The following ZNF556 variants were observed in gnomAD, a reference collection of about 807,000 sequenced individuals.
ZNF556 encodes zinc finger protein 556.
In ZNF556, 11 loss-of-function variants were observed where a neutral mutation model predicts 13.6. The observed-to-expected ratio is 0.81, with a 90% confidence interval of 0.51 to 1.33. The LOEUF is 1.33. Among genes scored for constraint, ZNF556 ranks in the 40% most tolerant of loss-of-function variants. The probability of loss-of-function intolerance (pLI) is 0.00; values close to 1 mark genes in which losing one functional copy is unlikely to be tolerated. For missense variants in ZNF556, 633 were observed against 566.2 expected (o/e 1.12, Z -1.20); for synonymous variants, 229 against 207.8 (o/e 1.10, Z -0.88).
rs368803745 is a variant in ZNF556, at chr19:2,877,568, G to A, written c.610G>A (p.Ala204Thr). The A allele has an allele frequency of 1.2e-6, 2 of 1,614,016 alleles. No homozygotes were observed. The highest frequency in any genetic ancestry group is 2.7e-5 in the African/African-American group (2 of 74,908). ...EKTHSGEKPY[A>T]CQSCGKTFLR... ...AACTCACAGTGGAGAGAAACCCTATGCCTGTCAATCTTGCGGGAAGACATT... is the reference window on the plus strand; with the variant it reads ...AACTCACAGTGGAGAGAAACCCTATACCTGTCAATCTTGCGGGAAGACATT... The change falls in exon 4 of 4, where the codon GCC becomes ACC. Residue 204 changes from alanine to threonine, a missense_variant. Ala to Thr is a moderately conservative substitution (Grantham distance 58, BLOSUM62 0). Coordinates refer to ENST00000307635, the MANE Select transcript of ZNF556 (RefSeq NM_024967.3).
Position 2,877,801 on chromosome 19 carries a change from C to T in ZNF556, c.843C>T (p.His281=), listed in dbSNP as rs372972222. The T allele has an allele frequency of 5.0e-5, 81 of 1,614,124 alleles. No individual in the cohort carries two copies. Among genetic ancestry groups the T allele is most frequent in the African/African-American group, 2.3e-4 (17 of 75,042 alleles). ...CCTTTCGAGTCCATATGATCATGCA[C>T]GCCGGAGGGAGACCGTATGAGTGCA... ...QKSFRVHMIM[H]AGGRPYECKQ... Residue 281 remains histidine (H), a synonymous_variant, in exon 4 of 4, where the codon CAC becomes CAT. Coordinates refer to ENST00000307635, the MANE Select transcript of ZNF556 (RefSeq NM_024967.3).
At chr19:2,869,278 C>T (rs2087782404) in intron 1 of ZNF556, among the ~76,000 whole-genome samples, 1 of 152,194 alleles carries the variant, frequency 6.6e-6, no homozygotes, top group South Asian at 2.1e-4. Context: ...TCCAGCTTTC[C>T]TGTGTGAAAT....
rs2144898557 is a variant in ZNF556, at chr19:2,881,345, T to C, written c.*3016T>C. ...CCCAGGACCCACCGAGGCGGGTGGATCACCTGATGTGAGGAGTTCGAGACC... is the reference window on the plus strand; with the variant it reads ...CCCAGGACCCACCGAGGCGGGTGGACCACCTGATGTGAGGAGTTCGAGACC... On this transcript the variant is annotated 3_prime_UTR_variant, in exon 4 of 4. Coordinates refer to ENST00000307635, the MANE Select transcript of ZNF556 (RefSeq NM_024967.3). The C allele has an allele frequency of 6.6e-6, 1 of 152,056 alleles. No homozygotes were observed. Among genetic ancestry groups the C allele is most frequent in the South Asian group, 2.1e-4 (1 of 4,806 alleles). The allele number at this position is 152,056 out of a possible 1,614,324, so 9.4% of individuals were successfully genotyped here.
chr19:2,873,178 G>T (rs1235416010), intron 1 of ZNF556, among the ~76,000 whole-genome samples: 2 of 151,770 alleles, frequency 1.3e-5, no homozygotes, highest in Non-Finnish European at 1.5e-5. Context: ...AATCTTACTT[G>T]TTCTTACCAT....
intron 1 of ZNF556, among the ~76,000 whole-genome samples, chr19:2,868,034 G>T (rs2087772171): frequency 6.6e-6 from 1 of 152,114 alleles, no homozygotes; most frequent in South Asian, 2.1e-4. Flanking sequence ...TATTTCCAAG[G>T]AGGTGAATTT....
chr19:2,878,342 T>C lies in ZNF556; in HGVS notation c.*13T>C. The C allele has an allele frequency of 1.2e-6, 2 of 1,606,866 alleles. No individual in the cohort carries two copies. Among genetic ancestry groups the C allele is most frequent in the Non-Finnish European group, 1.7e-6 (2 of 1,176,542 alleles). ...TACATCTAAGTAATGGGGGAAAACC[T>C]GTGCAAATTAATTCACATACATGGT... On this transcript the variant is annotated 3_prime_UTR_variant, in exon 4 of 4. Transcript: ENST00000307635.
At chr19:2,873,691 T>C (rs2087825019) in intron 2 of ZNF556, 69 bp downstream of exon 2, 5 of 1,553,716 alleles carry the variant, frequency 3.2e-6, no homozygotes, top group Non-Finnish European at 3.5e-6. Context: ...CAGTGGTTCA[T>C]GCCTGTATTC....
chr19:2,867,983 C>G (rs1283961621), intron 1 of ZNF556, among the ~76,000 whole-genome samples: 1 of 152,070 alleles, frequency 6.6e-6, no homozygotes, highest in Non-Finnish European at 1.5e-5. Flanking sequence ...TTTTTTCAGT[C>G]AATGGAACAT....
At chr19:2,872,915 T>C (rs2087817227) in intron 1 of ZNF556, among the ~76,000 whole-genome samples, 1 of 151,956 alleles carries the variant, frequency 6.6e-6, no homozygotes, top group Non-Finnish European at 1.5e-5. Flanking sequence ...GCTGGATTAC[T>C]TGAGGTCAGG....
chr19:2,869,533 AT>A (rs2087785068), intron 1 of ZNF556, among the ~76,000 whole-genome samples: 2 of 151,792 alleles, frequency 1.3e-5, no homozygotes, highest in Non-Finnish European at 2.9e-5. Context: ...CGCCTGGCTA[AT>A]TTTTTTGTAC....
intron 1 of ZNF556, 41 bp from the exon 2 acceptor site, chr19:2,873,455 T>C (rs781720199): frequency 6.2e-7 from 1 of 1,608,382 alleles, no homozygotes; most frequent in East Asian, 2.2e-5. Context: ...GTGCTGTGAG[T>C]TTTACCCCAT....
chr19:2,867,459 G>A (rs1438775307), intron 1 of ZNF556, 35 bp downstream of exon 1: 1 of 1,576,180 alleles, frequency 6.3e-7, no homozygotes, highest in Non-Finnish European at 8.6e-7. Context: ...CGGAGCCGGA[G>A]CCCTGGGAGG....
chr19:2,873,704 A>C, intron 2 of ZNF556, 82 bp downstream of exon 2: 2 of 1,518,460 alleles, frequency 1.3e-6, no homozygotes, highest in Non-Finnish European at 1.8e-6. Context: ...CTGTATTCCC[A>C]GTGCTTTAGG....
In ZNF556 at chr19:2,882,541, T is replaced by TA. The variant is rs1260356465; in HGVS notation, c.*4212_*4213insA. 17 of 150,394 alleles carry TA rather than the reference T, an allele frequency of 1.1e-4. No individual in the cohort carries two copies. The highest frequency in any genetic ancestry group is 6.3e-4 in the South Asian group (3 of 4,766). The allele number at this position is 150,394 out of a possible 1,614,324, so 9.3% of individuals were successfully genotyped here. A position where few individuals can be genotyped will look rare whatever the true frequency, so the allele number is the denominator to read the frequency against. ...TATATATATATATATAGTGTGTGTG[T>TA]GTGTGTGTGTGTGTGTGTGTGTGTG... On this transcript the variant is annotated 3_prime_UTR_variant, in exon 4 of 4. Coordinates refer to ENST00000307635, the MANE Select transcript of ZNF556 (RefSeq NM_024967.3).
In ZNF556 at chr19:2,882,222, T is replaced by G. The variant is rs868062791; in HGVS notation, c.*3893T>G. Reference sequence around the variant, plus strand: ...GCGGGTGGATCACGAGGTCAGGAGATCAAGACCATCCTGGCTAACCCGGTG... The same window carrying G: ...GCGGGTGGATCACGAGGTCAGGAGAGCAAGACCATCCTGGCTAACCCGGTG... On this transcript the variant is annotated 3_prime_UTR_variant, in exon 4 of 4. Transcript: ENST00000307635. 9.2e-5 allele frequency: 14 copies of G among 151,794 alleles called. No homozygotes were observed. Among genetic ancestry groups the G allele is most frequent in the African/African-American group, 3.4e-4 (14 of 41,292 alleles). 9.4% of individuals were successfully genotyped at this position (151,794 alleles called of 1,614,324 possible).
intron 1 of ZNF556, among the ~76,000 whole-genome samples, chr19:2,868,194 T>G (rs1422508645): frequency 6.6e-6 from 1 of 152,100 alleles, no homozygotes; most frequent in African/African-American, 2.4e-5. Context: ...CAAATGGGAT[T>G]CCAGGGCTTA....
chr19:2,867,379 G>A lies in ZNF556; in HGVS notation c.-43G>A, dbSNP rs758890030. ...CGTCGTGCTCACCTGCACCGGCTGCGAGGAGCAGGGAGCTCCTCAAAGAGC... is the reference window on the plus strand; with the variant it reads ...CGTCGTGCTCACCTGCACCGGCTGCAAGGAGCAGGGAGCTCCTCAAAGAGC... On this transcript the variant is annotated 5_prime_UTR_variant, in exon 1 of 4. Transcript: ENST00000307635. 13 of 1,571,924 alleles carry A rather than the reference G, an allele frequency of 8.3e-6. No homozygotes were observed. The highest frequency in any genetic ancestry group is 1.2e-5 in the South Asian group (1 of 84,852).
Position 2,877,724 on chromosome 19 carries a change from G to A in ZNF556, c.766G>A (p.Gly256Arg). Residue 256 changes from glycine (G) to arginine (R), a missense_variant, in exon 4 of 4, where the codon GGG becomes AGG. By Grantham distance (125) the Gly-to-Arg change is moderately radical. Transcript: ENST00000307635. ...FRAHVMMHAG[G>R]RPYECKHCGK... ...CGCACATGTGATGATGCACGCCGGA[G>A]GGAGACCGTATGAGTGCAAGCACTG... 6.2e-7 allele frequency: 1 copy of A among 1,613,600 alleles called. No homozygotes were observed. The highest frequency in any genetic ancestry group is 8.5e-7 in the Non-Finnish European group (1 of 1,179,704).
At chr19:2,869,856 A>G (rs969439025) in intron 1 of ZNF556, among the ~76,000 whole-genome samples, 4 of 152,086 alleles carry the variant, frequency 2.6e-5, no homozygotes, top group Non-Finnish European at 5.9e-5. Context: ...AGTCACTCAG[A>G]GCCAAAGTCC....
Sources: gnomAD v4.1 joint callset for allele counts (sites outside exome capture counted in the v4.1 genomes callset) on GRCh38, gnomAD v4.1.1 for gene constraint, MANE v1.5 for transcripts, NCBI Gene and HGNC (gene_info 2026-07-23, HGNC 2026-07-21) for gene names.